Variants in ZFAND6 observed in about 807,000 individuals in gnomAD.
ZFAND6 encodes the protein AN1-type zinc finger protein 6.
A neutral mutation model predicts 24.5 loss-of-function variants in ZFAND6; 12 were observed. The observed-to-expected ratio is 0.49, with a 90% confidence interval of 0.31 to 0.79. The LOEUF (loss-of-function observed/expected upper bound fraction) is 0.79, where lower values mean the gene tolerates loss of function less well. Ranked by LOEUF, ZFAND6 falls within the 30% of genes least tolerant of loss-of-function variation. The pLI is 0.04. For synonymous variants in ZFAND6, 92 were observed against 81.5 expected, an observed-to-expected ratio of 1.13 and a Z score of -0.69; for missense variants, 207 against 245.9, an observed-to-expected ratio of 0.84 and a Z score of 1.06.
intron 1 of ZFAND6, among the ~76,000 whole-genome samples, chr15:80,092,326 GAA>G (rs373513444): frequency 5.3e-4 from 55 of 103,520 alleles, no homozygotes; most frequent in East Asian, 2.1e-3. Flanking sequence ...ATCTCTACAG[GAA>G]AAAAAAAAAA....
Position 80,101,103 on chromosome 15 carries a change from C to G in ZFAND6, c.-18+2525C>G, listed in dbSNP as rs137954561. Among the ~76,000 whole-genome samples the G allele has an allele frequency of 1.4e-3, 216 of 152,258 alleles. 1 individual carries two copies. Among genetic ancestry groups the G allele is most frequent in the Admixed American group, 0.011 (175 of 15,286 alleles). On this transcript the variant is annotated intron_variant, in intron 2 of 6. Transcript: ENST00000261749. ...AAGGCTTTAGGATTAAGAATTTGAA[C>G]ATTACAAAGTAGGATATTTTCAATT...
intron 6 of ZFAND6, among the ~76,000 whole-genome samples, chr15:80,136,865 T>C (rs548078029): frequency 1.3e-5 from 2 of 152,316 alleles, no homozygotes; most frequent in South Asian, 4.1e-4. Context: ...AGAATTAAAT[T>C]CCTTCCTCAT....
chr15:80,080,655 AC>A (rs2037609733), intron 1 of ZFAND6, among the ~76,000 whole-genome samples: 1 of 152,220 alleles, frequency 6.6e-6, no homozygotes, highest in Non-Finnish European at 1.5e-5. Context: ...ATACAGAAAT[AC>A]GTGAGACTGA....
At chr15:80,090,270 A>G (rs933108453) in intron 1 of ZFAND6, among the ~76,000 whole-genome samples, 1 of 152,170 alleles carries the variant, frequency 6.6e-6, no homozygotes, top group Non-Finnish European at 1.5e-5. Context: ...TTGACCAGTG[A>G]CCACAACTCT....
At chr15:80,119,331 A>G (rs1391317096) in intron 2 of ZFAND6, among the ~76,000 whole-genome samples, 1 of 152,222 alleles carries the variant, frequency 6.6e-6, no homozygotes, top group Non-Finnish European at 1.5e-5. Flanking sequence ...TGCAAGTAAT[A>G]TCTTCATTTT....
At chr15:80,088,185 C>T (rs1022873832) in intron 1 of ZFAND6, among the ~76,000 whole-genome samples, 1 of 152,084 alleles carries the variant, frequency 6.6e-6, no homozygotes, top group East Asian at 1.9e-4. Context: ...AAACTTTATA[C>T]TTTACAACTC....
intron 6 of ZFAND6, among the ~76,000 whole-genome samples, chr15:80,133,475 T>G (rs1354034550): frequency 6.6e-6 from 1 of 151,790 alleles, no homozygotes; most frequent in Non-Finnish European, 1.5e-5. Flanking sequence ...GATTATAGAG[T>G]GGAACCGCCA....
intron 1 of ZFAND6, among the ~76,000 whole-genome samples, chr15:80,076,000 T>A (rs988580894): frequency 6.6e-6 from 1 of 152,130 alleles, no homozygotes; most frequent in Non-Finnish European, 1.5e-5. Context: ...GAAACTCTTC[T>A]CATTATTTTC....
chr15:80,099,235 A>G (rs1185164880), intron 2 of ZFAND6, among the ~76,000 whole-genome samples: 1 of 152,004 alleles, frequency 6.6e-6, no homozygotes, highest in African/African-American at 2.4e-5. Flanking sequence ...TTAAGAATCT[A>G]TGGTAGGGTG....
chr15:80,113,325 C>A (rs556869454), intron 2 of ZFAND6, among the ~76,000 whole-genome samples: 1 of 152,274 alleles, frequency 6.6e-6, no homozygotes, highest in African/African-American at 2.4e-5. Flanking sequence ...TCTGGAATTA[C>A]GTGACATTCC....
At chr15:80,104,195 G>C (rs1334528371) in intron 2 of ZFAND6, among the ~76,000 whole-genome samples, 1 of 152,170 alleles carries the variant, frequency 6.6e-6, no homozygotes, top group African/African-American at 2.4e-5. Context: ...GTTAACTGAA[G>C]GTGGCCATGA....
At chr15:80,062,503 C>G (rs1421485060) in intron 1 of ZFAND6, among the ~76,000 whole-genome samples, 4 of 152,128 alleles carry the variant, frequency 2.6e-5, no homozygotes, top group African/African-American at 9.7e-5. Context: ...CCTTACTATC[C>G]TGAAGATAGG....
intron 2 of ZFAND6, among the ~76,000 whole-genome samples, chr15:80,110,363 A>G (rs972783096): frequency 1.3e-5 from 2 of 152,226 alleles, no homozygotes; most frequent in African/African-American, 4.8e-5. Context: ...AGGAATATCC[A>G]AAAGATATGC....
At chr15:80,070,024 C>T (rs889116039) in intron 1 of ZFAND6, among the ~76,000 whole-genome samples, 2 of 152,082 alleles carry the variant, frequency 1.3e-5, no homozygotes, top group African/African-American at 2.4e-5. Flanking sequence ...CAATAAACCA[C>T]CAGTCGTGCC....
At position 80,097,673 on chromosome 15, in the gene ZFAND6, A is replaced by AATACATAC. The variant is rs1555431380; in HGVS notation, c.-180-740_-180-733dup. 6.3e-3 allele frequency among the ~76,000 whole-genome samples: 946 copies of AATACATAC among 150,632 alleles called. 9 individuals carry two copies. The highest frequency in any genetic ancestry group is 0.01 in the Admixed American group (156 of 15,072). On this transcript the variant is annotated intron_variant, in intron 1 of 6. Coordinates refer to ENST00000261749, the MANE Select transcript of ZFAND6 (RefSeq NM_019006.4). The stretch of plus-strand genomic sequence containing the variant: ...TCTCAAATAAATAAATAAATAAATA[A>AATACATAC]ATACATACATTTATTTTTGCAGTGC...
chr15:80,131,783 A>G (rs546655759), intron 6 of ZFAND6, among the ~76,000 whole-genome samples: 2 of 152,344 alleles, frequency 1.3e-5, no homozygotes, highest in African/African-American at 4.8e-5. Flanking sequence ...GGGAGGGAGA[A>G]AGAAATGTTC....
At chr15:80,068,267 C>T (rs560045629) in intron 1 of ZFAND6, among the ~76,000 whole-genome samples, 11 of 152,088 alleles carry the variant, frequency 7.2e-5, no homozygotes, top group Middle Eastern at 3.4e-3. Flanking sequence ...CCCACCTCAG[C>T]CTCCTAAGTA....
At chr15:80,110,409 A>G (rs959947645) in intron 2 of ZFAND6, among the ~76,000 whole-genome samples, 1 of 152,212 alleles carries the variant, frequency 6.6e-6, no homozygotes, top group African/African-American at 2.4e-5. Flanking sequence ...AACATTATGA[A>G]TCTAAAGGAG....
intron 1 of ZFAND6, among the ~76,000 whole-genome samples, chr15:80,079,370 G>A (rs1381644265): frequency 2.6e-5 from 4 of 151,550 alleles, no homozygotes; most frequent in African/African-American, 7.3e-5. Flanking sequence ...ACAGGCACCC[G>A]CCACCACGCT....
Sources: gnomAD v4.1 joint callset for allele counts (sites outside exome capture counted in the v4.1 genomes callset) on GRCh38, gnomAD v4.1.1 for gene constraint, MANE v1.5 for transcripts, NCBI Gene and HGNC (gene_info 2026-07-23, HGNC 2026-07-21) for gene names.